MDFIC: variants seen among roughly 807,000 people sequenced by gnomAD.
The protein encoded by MDFIC is myoD family inhibitor domain-containing protein.
MDFIC carries 17 observed loss-of-function variants against 23.2 expected under a neutral mutation model. The observed-to-expected ratio is 0.73, with a 90% CI of 0.50 to 1.10. The LOEUF (loss-of-function observed/expected upper bound fraction) is 1.10, where lower values mean the gene tolerates loss of function less well. Among genes scored for constraint, MDFIC ranks in the 50% least tolerant of loss-of-function variants. The pLI is 0.00. For synonymous variants in MDFIC, 120 were observed against 115.2 expected, an observed-to-expected ratio of 1.04 and a Z score of -0.27; for missense variants, 356 against 316.6, an observed-to-expected ratio of 1.12 and a Z score of -0.95.
intron 4 of MDFIC, among the ~76,000 whole-genome samples, chr7:115,012,894 G>A (rs367964773): frequency 3.5e-4 from 54 of 152,186 alleles, no homozygotes; most frequent in East Asian, 9.7e-4. Flanking sequence ...CAGGAAAATC[G>A]CTTGAACCCA....
chr7:114,984,514 G>GA (rs995941525), intron 4 of MDFIC, among the ~76,000 whole-genome samples: 4 of 149,924 alleles, frequency 2.7e-5, no homozygotes, highest in African/African-American at 4.9e-5. Flanking sequence ...TGCAATGGAG[G>GA]AAAAAAAAAC....
intron 3 of MDFIC, among the ~76,000 whole-genome samples, chr7:114,943,066 G>A (rs1048457680): frequency 1.3e-5 from 2 of 152,188 alleles, no homozygotes; most frequent in African/African-American, 4.8e-5. Context: ...ACACCTAGGT[G>A]TAAAGATTGC....
intron 2 of MDFIC, among the ~76,000 whole-genome samples, chr7:114,933,076 C>A (rs569823817): frequency 1.3e-5 from 2 of 152,234 alleles, no homozygotes; most frequent in Non-Finnish European, 2.9e-5. Context: ...AGTAAGGGTT[C>A]TTTGCTTAAC....
intron 3 of MDFIC, among the ~76,000 whole-genome samples, chr7:114,954,931 C>T (rs1311388096): frequency 6.6e-6 from 1 of 152,142 alleles, no homozygotes; most frequent in African/African-American, 2.4e-5. Context: ...CTTTCTGCCT[C>T]TATAGTTCAT....
chr7:115,014,299 T>C (rs1444891862), intron 4 of MDFIC: 1 of 985,320 alleles, frequency 1.0e-6, no homozygotes, highest in Non-Finnish European at 1.2e-6. Flanking sequence ...TTTGTTTTTC[T>C]TTACCTGAAG....
At chr7:114,943,861 G>T (rs1352845641) in intron 3 of MDFIC, among the ~76,000 whole-genome samples, 2 of 151,712 alleles carry the variant, frequency 1.3e-5, no homozygotes, top group Admixed American at 6.6e-5. Flanking sequence ...TCATTTAATT[G>T]GTTTATTTCC....
At chr7:114,994,220 C>T (rs181942671) in intron 4 of MDFIC, among the ~76,000 whole-genome samples, 403 of 152,206 alleles carry the variant, frequency 2.6e-3, no homozygotes, top group Admixed American at 4.8e-3. Context: ...TCCTCCATCC[C>T]TTTATTTTGA....
At chr7:114,928,313 A>C (rs1019869167) in intron 2 of MDFIC, among the ~76,000 whole-genome samples, 1 of 152,180 alleles carries the variant, frequency 6.6e-6, no homozygotes, top group African/African-American at 2.4e-5. Flanking sequence ...CTGTGAAAAA[A>C]AAAAGGTCTA....
intron 2 of MDFIC, among the ~76,000 whole-genome samples, chr7:114,936,705 C>T (rs1792431222): frequency 6.6e-6 from 1 of 152,140 alleles, no homozygotes; most frequent in Admixed American, 6.5e-5. Context: ...ACTAGCTGAG[C>T]TGCAGAGGAT....
At position 115,016,860 on chromosome 7, in the gene MDFIC, C is replaced by T. The variant is rs1791807753; in HGVS notation, c.*925C>T. The stretch of plus-strand genomic sequence containing the variant: ...GGACAGATACAATTCCACTCCTGTC[C>T]ACAGGAACATGAGATTTAGCAGACT... On this transcript the variant is annotated 3_prime_UTR_variant, in exon 5 of 5. Transcript: ENST00000393486. The T allele has an allele frequency of 6.6e-6, 1 of 152,008 alleles. No individual in the cohort carries two copies. The highest frequency in any genetic ancestry group is 1.5e-5 in the Non-Finnish European group (1 of 68,044). The allele number at this position is 152,008 out of a possible 1,614,324, so 9.4% of individuals were successfully genotyped here. A position where few individuals can be genotyped will look rare whatever the true frequency, so the allele number is the denominator to read the frequency against.
At chr7:115,014,692 G>A (rs188671249) in intron 4 of MDFIC, among the ~76,000 whole-genome samples, 1 of 152,152 alleles carries the variant, frequency 6.6e-6, no homozygotes, top group Non-Finnish European at 1.5e-5. Flanking sequence ...TTTCTGATAT[G>A]AGGCAAATGT....
chr7:114,984,551 A>T (rs1793477358), intron 4 of MDFIC, among the ~76,000 whole-genome samples: 1 of 152,208 alleles, frequency 6.6e-6, no homozygotes. Flanking sequence ...TGCACATTTT[A>T]TTTAAAGGTT....
chr7:114,967,151 A>T (rs1286460579), intron 3 of MDFIC, among the ~76,000 whole-genome samples: 1 of 152,130 alleles, frequency 6.6e-6, no homozygotes, highest in Non-Finnish European at 1.5e-5. Context: ...CATCTTTCTT[A>T]AGAGATTACA....
In MDFIC at chr7:114,975,349, C is replaced by G. The variant is rs560126798; in HGVS notation, c.218-4157C>G. 5.3e-5 allele frequency among the ~76,000 whole-genome samples: 8 copies of G among 152,172 alleles called. No homozygotes were observed. In the South Asian group the frequency reaches 1.2e-3, roughly 24 times the overall value. ...CCTTTATAACGCAGGCAGAAGATAG[C>G]AGTGCACTCCCAATAGAGCTGAATT... On this transcript the variant is annotated intron_variant, in intron 3 of 4. Transcript: ENST00000393486.
At chr7:114,983,849 C>T (rs1002973223) in intron 4 of MDFIC, among the ~76,000 whole-genome samples, 6 of 152,016 alleles carry the variant, frequency 3.9e-5, no homozygotes, top group African/African-American at 1.2e-4. Context: ...ACTTTTTAAG[C>T]GATGTTGATT....
At chr7:114,994,686 C>T (rs144155199) in intron 4 of MDFIC, among the ~76,000 whole-genome samples, 1 of 152,216 alleles carries the variant, frequency 6.6e-6, no homozygotes, top group Non-Finnish European at 1.5e-5. Context: ...CCCCCACTCT[C>T]TTCTGGCTTG....
intron 2 of MDFIC, among the ~76,000 whole-genome samples, chr7:114,930,299 G>A (rs1234616470): frequency 6.6e-6 from 1 of 152,216 alleles, no homozygotes; most frequent in African/African-American, 2.4e-5. Context: ...GAGGTTGGCA[G>A]GGTGGAAGTG....
intron 3 of MDFIC, among the ~76,000 whole-genome samples, chr7:114,960,257 A>G (rs1792963496): frequency 6.6e-6 from 1 of 152,212 alleles, no homozygotes; most frequent in Non-Finnish European, 1.5e-5. Flanking sequence ...CAGAGTGATG[A>G]GAATAACCAG....
In MDFIC at chr7:115,002,888, A is replaced by C. The variant is rs1476986963; in HGVS notation, c.494-12800A>C. Among the ~76,000 whole-genome samples the C allele has an allele frequency of 2.0e-5, 3 of 152,102 alleles. No individual in the cohort carries two copies. In the East Asian group the frequency reaches 5.8e-4, roughly 29 times the overall value. ...TCTGTCTAAAAATATATGTGTAGTG[A>C]GTGTGTGTAGGTGGGAGTGTATCTC... On this transcript the variant is annotated intron_variant, in intron 4 of 4. Coordinates refer to ENST00000393486, the MANE Select transcript of MDFIC (RefSeq NM_001166345.3).
Sources: gnomAD v4.1 joint callset for allele counts (sites outside exome capture counted in the v4.1 genomes callset) on GRCh38, gnomAD v4.1.1 for gene constraint, MANE v1.5 for transcripts, NCBI Gene and HGNC (gene_info 2026-07-23, HGNC 2026-07-21) for gene names.